Variants in IRGM observed in about 807,000 individuals in gnomAD.
IRGM encodes the protein immunity related GTPase M, also known as immunity-related GTPase family M protein.
For missense variants in IRGM, 288 were observed against 219.9 expected (o/e 1.31, Z -1.96); for synonymous variants, 98 against 80.6 (o/e 1.22, Z -1.16).
At chr5:150,884,211 ATATACTT>A (rs924300418) in intron 3 of IRGM, among the ~76,000 whole-genome samples, 4 of 152,156 alleles carry the variant, frequency 2.6e-5, no homozygotes, top group South Asian at 2.1e-4. Context: ...ATAAGGAAAA[ATATACTT>A]TATACTTTAT....
chr5:150,898,702 T>C lies in IRGM; in HGVS notation c.*141-1887T>C, dbSNP rs546204814. 9.7e-6 allele frequency: 8 copies of C among 826,004 alleles called. No individual in the cohort carries two copies. In the South Asian group the frequency reaches 1.6e-4, roughly 17 times the overall value. 51.2% of individuals were successfully genotyped at this position (826,004 alleles called of 1,614,324 possible). A position where few individuals can be genotyped will look rare whatever the true frequency, so the allele number is the denominator to read the frequency against. Reference sequence around the variant, plus strand: ...TGTTTTTAGCAAGCAGAGCCAGGCATATGAGGAGAAAAAAAGAGGTAAACC... The same window carrying C: ...TGTTTTTAGCAAGCAGAGCCAGGCACATGAGGAGAAAAAAAGAGGTAAACC... On this transcript the variant is annotated intron_variant and NMD_transcript_variant, in intron 3 of 3. Transcript: ENST00000520549.
chr5:150,900,721 CTT>C (rs1456465389), exon 4 of IRGM: 2 of 151,936 alleles, frequency 1.3e-5, no homozygotes, highest in Non-Finnish European at 2.9e-5. Flanking sequence ...TAAATTAAAA[CTT>C]ATGTTTAGTT....
intron 3 of IRGM, chr5:150,895,701 C>A: frequency 6.2e-7 from 1 of 1,613,606 alleles, no homozygotes; most frequent in African/African-American, 1.3e-5. Flanking sequence ...TGTGTGAATT[C>A]TCTGATGTCC....
intron 3 of IRGM, chr5:150,895,804 G>A: frequency 6.2e-7 from 1 of 1,613,588 alleles, no homozygotes; most frequent in Non-Finnish European, 8.5e-7. Flanking sequence ...ATGATGAGCT[G>A]TGACTTGCGG....
At chr5:150,892,527 A>G (rs1372538523) in intron 3 of IRGM, among the ~76,000 whole-genome samples, 1 of 152,052 alleles carries the variant, frequency 6.6e-6, no homozygotes, top group East Asian at 1.9e-4. Flanking sequence ...CAACACTTTT[A>G]TCTCTTCCTT....
At chr5:150,901,530 A>C (rs1754995142), downstream of IRGM, among the ~76,000 whole-genome samples, 1 of 152,086 alleles carries the variant, frequency 6.6e-6, no homozygotes, top group African/African-American at 2.4e-5. Flanking sequence ...CAAAAACAAA[A>C]ACAACAATGA....
chr5:150,852,041 T>C (rs962255593), downstream of IRGM, among the ~76,000 whole-genome samples: 6 of 152,330 alleles, frequency 3.9e-5, no homozygotes, highest in East Asian at 5.8e-4. Context: ...TTTTTGGAAG[T>C]ACATCTGATC....
At chr5:150,889,340 G>A (rs1475740928) in intron 3 of IRGM, among the ~76,000 whole-genome samples, 1 of 151,852 alleles carries the variant, frequency 6.6e-6, no homozygotes, top group Non-Finnish European at 1.5e-5. Context: ...AACTTGTGCA[G>A]GGAAACTCCC....
At chr5:150,873,861 G>A (rs1754326487) in intron 1 of IRGM, among the ~76,000 whole-genome samples, 2 of 152,202 alleles carry the variant, frequency 1.3e-5, no homozygotes, top group African/African-American at 2.4e-5. Context: ...TCCCTGGAGG[G>A]ATTGTAGAGA....
chr5:150,860,059 C>T (rs1754115333), intron 1 of IRGM, among the ~76,000 whole-genome samples: 1 of 152,168 alleles, frequency 6.6e-6, no homozygotes, highest in Non-Finnish European at 1.5e-5. Context: ...AAATAGATTT[C>T]ATTGCTCAAT....
intron 1 of IRGM, among the ~76,000 whole-genome samples, chr5:150,874,787 T>C (rs980138940): frequency 2.0e-5 from 3 of 152,184 alleles, no homozygotes; most frequent in African/African-American, 7.2e-5. Flanking sequence ...TGAATCACAA[T>C]GGAGGCCTCT....
chr5:150,896,773 C>CTGTT (rs1209581849), intron 3 of IRGM: 1 of 1,613,802 alleles, frequency 6.2e-7, no homozygotes, highest in South Asian at 1.1e-5. Context: ...GCCTCAGTCA[C>CTGTT]TGTTTTGCTG....
Position 150,858,984 on chromosome 5 carries a change from A to G in IRGM, c.158+10330A>G, listed in dbSNP as rs564563181. On this transcript the variant is annotated intron_variant and NMD_transcript_variant, in intron 1 of 3. Coordinates refer to the IRGM transcript ENST00000520549. Reference sequence around the variant, plus strand: ...CTATGTTGAATAGGAGTGGTGAGAGAGGGCATCCCTGTCTTGTGCCCATTT... The same window carrying G: ...CTATGTTGAATAGGAGTGGTGAGAGGGGGCATCCCTGTCTTGTGCCCATTT... Among the ~76,000 whole-genome samples, 144 of 152,286 alleles carry G rather than the reference A, an allele frequency of 9.5e-4. 1 individual carries two copies. Among genetic ancestry groups the G allele is most frequent in the African/African-American group, 3.3e-3 (138 of 41,554 alleles).
Position 150,847,067 on chromosome 5 carries a change from C to G in IRGM, c.-569C>G, listed in dbSNP as rs182550223. The G allele has an allele frequency of 1.5e-4, 23 of 152,482 alleles. No homozygotes were observed. The Middle Eastern group carries it at 0.01, about 68-fold the overall frequency. 9.4% of individuals were successfully genotyped at this position (152,482 alleles called of 1,614,324 possible). ...ATCACTGCCTTGAAAAAGAGCAGAG[C>G]ATTTGAGTATGCTGTCTCCTCCTCT... On this transcript the variant is annotated 5_prime_UTR_variant, in exon 1 of 2. Coordinates refer to ENST00000522154, the MANE Select transcript of IRGM (RefSeq NM_001145805.2).
intron 1 of IRGM, among the ~76,000 whole-genome samples, chr5:150,871,389 T>C (rs1754279822): frequency 6.6e-6 from 1 of 152,238 alleles, no homozygotes; most frequent in African/African-American, 2.4e-5. Flanking sequence ...AAGGCCTTTA[T>C]ATTTGTTTTT....
intron 3 of IRGM, chr5:150,896,650 T>C: frequency 6.2e-7 from 1 of 1,613,542 alleles, no homozygotes; most frequent in South Asian, 1.1e-5. Flanking sequence ...AGGTCAATAT[T>C]TGGTTTTAAG....
rs543805099 is a variant in IRGM at position 150,871,191 on chromosome 5, T to C, written c.159-6789T>C. 3.3e-5 allele frequency among the ~76,000 whole-genome samples: 5 copies of C among 152,336 alleles called. No individual in the cohort carries two copies. The South Asian group carries it at 1.0e-3, about 32-fold the overall frequency. On this transcript the variant is annotated intron_variant and NMD_transcript_variant, in intron 1 of 3. Coordinates refer to the IRGM transcript ENST00000520549. ...CTTTTTTCCACCATGACAGCCTGGA[T>C]TTTGGTTCCTAAATCAAGTTCTTTC... is the stretch of plus-strand genomic sequence containing the variant.
Position 150,847,714 on chromosome 5 carries a change from T to C in IRGM, c.-410T>C. 1 of 184,130 alleles carries C rather than the reference T, an allele frequency of 5.4e-6. No homozygotes were observed. Among genetic ancestry groups the C allele is most frequent in the Admixed American group, 5.3e-5 (1 of 18,804 alleles). 11.4% of individuals were successfully genotyped at this position (184,130 alleles called of 1,614,324 possible). ...CTGCTCTTCTACTTCCGCAGCTTAC[T>C]CCAGTGCCCACAGATACGACAGAGT... On this transcript the variant is annotated 5_prime_UTR_variant, in exon 2 of 2. Transcript: ENST00000522154.
At chr5:150,901,723 A>G (rs533491105), downstream of IRGM, among the ~76,000 whole-genome samples, 12 of 152,190 alleles carry the variant, frequency 7.9e-5, no homozygotes, top group South Asian at 4.1e-4. Context: ...TTTTTACTCA[A>G]TTCTCACAAC....
Sources: allele counts gnomAD v4.1 joint callset (sites outside exome capture counted in the v4.1 genomes callset), GRCh38; gene constraint gnomAD v4.1.1; transcripts MANE v1.5; gene names NCBI Gene and HGNC (gene_info 2026-07-23, HGNC 2026-07-21).